Variants in STAB2 observed in about 807,000 individuals in gnomAD.
The protein encoded by STAB2 is stabilin-2.
Under a neutral mutation model 338.1 loss-of-function variants are expected in STAB2, and 288 were observed. The observed-to-expected ratio is 0.85, with a 90% confidence interval of 0.77 to 0.94. The LOEUF (loss-of-function observed/expected upper bound fraction) is 0.94, where lower values mean the gene tolerates loss of function less well. Ranked by LOEUF, STAB2 falls within the 40% of genes least tolerant of loss-of-function variation. The pLI is 0.00. For missense variants in STAB2, 3,141 were observed against 3,210.1 expected, an observed-to-expected ratio of 0.98 and a Z score of 0.52; for synonymous variants, 1,202 against 1,193.3, an observed-to-expected ratio of 1.01 and a Z score of -0.15.
intron 42 of STAB2, among the ~76,000 whole-genome samples, chr12:103,714,288 G>T (rs1880124179): frequency 6.6e-6 from 1 of 151,992 alleles, no homozygotes; most frequent in South Asian, 2.1e-4. Context: ...CTACTATAAA[G>T]GTATGCCATA....
At chr12:103,737,990 A>T (rs946426382) in intron 53 of STAB2, among the ~76,000 whole-genome samples, 5 of 152,148 alleles carry the variant, frequency 3.3e-5, no homozygotes, top group Admixed American at 3.3e-4. Context: ...ATTCTTGTTT[A>T]TCCACCCATC....
At chr12:103,729,494 A>C (rs1318167496) in intron 48 of STAB2, among the ~76,000 whole-genome samples, 1 of 152,144 alleles carries the variant, frequency 6.6e-6, no homozygotes, top group Admixed American at 6.5e-5. Context: ...ATGTGTACTA[A>C]CTCATTTAAT....
chr12:103,697,951 C>T (rs912597291), intron 33 of STAB2, among the ~76,000 whole-genome samples: 2 of 152,110 alleles, frequency 1.3e-5, no homozygotes, highest in African/African-American at 2.4e-5. Context: ...GAGACCCAGA[C>T]CTCCAGGAGC....
At chr12:103,636,227 G>A (rs1451152708) in intron 6 of STAB2, among the ~76,000 whole-genome samples, 2 of 134,514 alleles carry the variant, frequency 1.5e-5, no homozygotes, top group African/African-American at 2.9e-5. Flanking sequence ...TCCCCGGTGT[G>A]TGATGTTCCC....
At chr12:103,667,747 C>T (rs831428) in intron 19 of STAB2, among the ~76,000 whole-genome samples, 107,730 of 152,126 alleles carry the variant, frequency 0.71, 39,182 homozygotes, top group East Asian at 1. Flanking sequence ...GTCTCATTGC[C>T]CTCTTCTTGA....
At chr12:103,710,263 A>C (rs1490916186) in intron 39 of STAB2, among the ~76,000 whole-genome samples, 1 of 152,084 alleles carries the variant, frequency 6.6e-6, no homozygotes, top group South Asian at 2.1e-4. Context: ...ACCAATGAAC[A>C]CTCACCCAGT....
intron 3 of STAB2, among the ~76,000 whole-genome samples, chr12:103,605,406 G>A (rs753658736): frequency 1.6e-4 from 22 of 138,102 alleles, no homozygotes; most frequent in African/African-American, 2.9e-4. Flanking sequence ...TTTAGATGCC[G>A]TATTCTGTAA....
chr12:103,611,259 C>T (rs1453678942), intron 3 of STAB2, among the ~76,000 whole-genome samples: 5 of 152,110 alleles, frequency 3.3e-5, no homozygotes, highest in African/African-American at 7.2e-5. Context: ...CTTTCTGTCT[C>T]GTTGATCTGT....
chr12:103,725,655 CGT>C (rs1047289564), intron 45 of STAB2, among the ~76,000 whole-genome samples: 1 of 151,638 alleles, frequency 6.6e-6, no homozygotes, highest in African/African-American at 2.4e-5. Context: ...TGTGTATGCA[CGT>C]GTGTGTGCAT....
At chr12:103,736,078 A>G (rs949361113) in intron 52 of STAB2, among the ~76,000 whole-genome samples, 2 of 152,174 alleles carry the variant, frequency 1.3e-5, no homozygotes, top group Non-Finnish European at 2.9e-5. Context: ...GTAATTCCAT[A>G]TGATGAATGG....
At chr12:103,727,698 T>C (rs1413417847) in intron 47 of STAB2, among the ~76,000 whole-genome samples, 1 of 152,226 alleles carries the variant, frequency 6.6e-6, no homozygotes, top group Non-Finnish European at 1.5e-5. Context: ...TAGATTCTTT[T>C]CTTGCAGGAT....
At chr12:103,622,293 C>T (rs1957314113) in intron 5 of STAB2, among the ~76,000 whole-genome samples, 182 bp downstream of exon 5, 1 of 152,172 alleles carries the variant, frequency 6.6e-6, no homozygotes, top group Non-Finnish European at 1.5e-5. Context: ...TTTCTGGAAT[C>T]ACAGCAGATT....
At chr12:103,747,364 G>T (rs1158248885) in intron 58 of STAB2, among the ~76,000 whole-genome samples, 2 of 152,186 alleles carry the variant, frequency 1.3e-5, no homozygotes, top group Non-Finnish European at 2.9e-5. Context: ...CAGGTTGGAA[G>T]TATTCAGGGC....
At chr12:103,684,228 C>G (rs1877187689) in intron 26 of STAB2, among the ~76,000 whole-genome samples, 2 of 152,202 alleles carry the variant, frequency 1.3e-5, no homozygotes, top group Non-Finnish European at 2.9e-5. Context: ...ATTAGCACCC[C>G]ATGTCCCCGT....
At chr12:103,683,084 G>A in intron 25 of STAB2, 121 bp from the exon 26 acceptor site, 1 of 730,642 alleles carries the variant, frequency 1.4e-6, no homozygotes. Flanking sequence ...CATTAACACT[G>A]TTCTCTGGGA....
In STAB2 at chr12:103,731,552, T is replaced by A. The variant is rs371746194; in HGVS notation, c.5224-24T>A. On this transcript the variant is annotated intron_variant, in intron 49 of 68. Transcript: ENST00000388887. ...TTAAACTGTATAAGGAAAAGTTTCA[T>A]GCCCATTCTTATTATCTTTGCAGCA... is the stretch of plus-strand genomic sequence containing the variant. 1.2e-4 allele frequency: 189 copies of A among 1,611,902 alleles called. 1 individual carries two copies. The highest frequency in any genetic ancestry group is 1.5e-4 in the Non-Finnish European group (182 of 1,179,526).
At chr12:103,636,097 G>A (rs1957540587) in intron 6 of STAB2, among the ~76,000 whole-genome samples, 1 of 151,910 alleles carries the variant, frequency 6.6e-6, no homozygotes, top group South Asian at 2.1e-4. Flanking sequence ...TGCACAACGT[G>A]CAGGTTTGTT....
intron 34 of STAB2, 66 bp downstream of exon 34, chr12:103,699,293 A>G (rs1447178667): frequency 1.9e-6 from 3 of 1,547,198 alleles, no homozygotes; most frequent in Non-Finnish European, 2.6e-6. Flanking sequence ...AGTATGAGGA[A>G]TGAGTGTCTT....
At position 103,620,563 on chromosome 12, in the gene STAB2, A is replaced by G; in HGVS notation, c.417+10A>G. ...AACCTGCTCCTGCCAAGTAAGTTCA[A>G]AAATGTGTTCTTCCTTTCCTGGTTT... On this transcript the variant is annotated intron_variant, in intron 4 of 68. Coordinates refer to ENST00000388887, the MANE Select transcript of STAB2 (RefSeq NM_017564.10). 1 of 1,555,680 alleles carries G rather than the reference A, an allele frequency of 6.4e-7. No individual in the cohort carries two copies. Among genetic ancestry groups the G allele is most frequent in the Non-Finnish European group, 8.7e-7 (1 of 1,148,886 alleles).
Sources: allele counts gnomAD v4.1 joint callset (sites outside exome capture counted in the v4.1 genomes callset), GRCh38; gene constraint gnomAD v4.1.1; transcripts MANE v1.5; gene names NCBI Gene and HGNC (gene_info 2026-07-23, HGNC 2026-07-21).